The following DPYD variants were observed in gnomAD, a reference collection of about 807,000 sequenced individuals.
DPYD encodes the protein dihydropyrimidine dehydrogenase, also known as dihydropyrimidine dehydrogenase [NADP(+)].
A neutral mutation model predicts 116.2 loss-of-function variants in DPYD; 109 were observed. The ratio of observed to expected loss-of-function variants is 0.94; its 90% CI spans 0.80 to 1.10. DPYD has a LOEUF of 1.10. Among genes scored for constraint, DPYD ranks in the 50% least tolerant of loss-of-function variants. The pLI is 0.00. For synonymous variants in DPYD, 440 were observed against 432.0 expected (o/e 1.02, Z -0.23); for missense variants, 1,302 against 1,254.5 (o/e 1.04, Z -0.57).
intron 19 of DPYD, among the ~76,000 whole-genome samples, chr1:97,221,656 A>G (rs1156697635): frequency 6.6e-6 from 1 of 152,122 alleles, no homozygotes; most frequent in Non-Finnish European, 1.5e-5. Flanking sequence ...TTTAAAACAA[A>G]TATCAAAGTG....
In DPYD at chr1:97,908,195, A is replaced by G. The variant is rs148629166; in HGVS notation, c.39+12689T>C. Among the ~76,000 whole-genome samples the G allele has an allele frequency of 5.5e-3, 833 of 151,984 alleles. 11 individuals carry two copies. Among genetic ancestry groups the G allele is most frequent in the African/African-American group, 0.019 (782 of 41,480 alleles). On this transcript the variant is annotated intron_variant, in intron 1 of 22. Coordinates refer to ENST00000370192, the MANE Select transcript of DPYD (RefSeq NM_000110.4). ...CAAGTAGCTAGGATTACAGGCACACACCAGCACACCAATCTAATTTTGGTA... is the reference window on the plus strand; with the variant it reads ...CAAGTAGCTAGGATTACAGGCACACGCCAGCACACCAATCTAATTTTGGTA...
intron 12 of DPYD, among the ~76,000 whole-genome samples, chr1:97,540,484 A>C (rs1275421693): frequency 6.6e-6 from 1 of 152,192 alleles, no homozygotes; most frequent in Non-Finnish European, 1.5e-5. Context: ...GCAAGGTCTG[A>C]AAGGGCCCCC....
intron 21 of DPYD, among the ~76,000 whole-genome samples, chr1:97,093,356 T>C (rs2101583294): frequency 6.6e-6 from 1 of 152,302 alleles, no homozygotes; most frequent in African/African-American, 2.4e-5. Flanking sequence ...TCCAACTTTT[T>C]TGGCCTCCAG....
At chr1:97,660,195 A>T (rs1659169545) in intron 8 of DPYD, among the ~76,000 whole-genome samples, 1 of 152,128 alleles carries the variant, frequency 6.6e-6, no homozygotes, top group Non-Finnish European at 1.5e-5. Context: ...CAACCTGAGT[A>T]TTATTTATAG....
intron 14 of DPYD, among the ~76,000 whole-genome samples, chr1:97,429,597 A>T (rs926470740): frequency 2.0e-5 from 3 of 151,958 alleles, no homozygotes; most frequent in African/African-American, 7.2e-5. Flanking sequence ...GATACTTCTT[A>T]TTTTTTATGA....
At chr1:97,283,308 A>G (rs1204471095) in intron 18 of DPYD, among the ~76,000 whole-genome samples, 1 of 152,146 alleles carries the variant, frequency 6.6e-6, no homozygotes, top group Non-Finnish European at 1.5e-5. Context: ...AGACTATTTC[A>G]GAGTTCTCTG....
At chr1:97,326,733 T>G (rs150452232) in intron 16 of DPYD, among the ~76,000 whole-genome samples, 11 of 151,982 alleles carry the variant, frequency 7.2e-5, no homozygotes, top group Non-Finnish European at 1.3e-4. Context: ...AGACACCTAA[T>G]AAGATGGAAG....
chr1:97,527,223 C>T (rs975859692), intron 12 of DPYD, among the ~76,000 whole-genome samples: 7 of 152,086 alleles, frequency 4.6e-5, no homozygotes, highest in Middle Eastern at 6.8e-3. Flanking sequence ...GGACCACAGG[C>T]GCCTGCCACC....
At chr1:97,712,064 A>G (rs1489631013) in intron 5 of DPYD, among the ~76,000 whole-genome samples, 3 of 151,962 alleles carry the variant, frequency 2.0e-5, no homozygotes, top group Non-Finnish European at 4.4e-5. Flanking sequence ...GTATTGCACA[A>G]TATTACCACA....
chr1:97,646,103 C>A (rs76968654), intron 8 of DPYD, among the ~76,000 whole-genome samples: 1,966 of 152,182 alleles, frequency 0.013, 21 homozygotes, highest in Middle Eastern at 0.024. Flanking sequence ...CTGTCTAAAG[C>A]ATCCCAGGGC....
At chr1:97,758,284 A>C (rs1426862733) in intron 3 of DPYD, among the ~76,000 whole-genome samples, 3 of 151,920 alleles carry the variant, frequency 2.0e-5, no homozygotes, top group East Asian at 1.9e-4. Context: ...TGGTCTTTAA[A>C]GTGCCTTCCA....
At chr1:97,493,784 C>T (rs1679104824) in intron 13 of DPYD, among the ~76,000 whole-genome samples, 1 of 152,114 alleles carries the variant, frequency 6.6e-6, no homozygotes, top group South Asian at 2.1e-4. Context: ...TTCTTAAAAA[C>T]CTACAGAAAC....
chr1:97,500,927 C>T (rs1423218816), intron 13 of DPYD, among the ~76,000 whole-genome samples: 2 of 152,066 alleles, frequency 1.3e-5, no homozygotes, highest in African/African-American at 4.8e-5. Flanking sequence ...CACAAGACTG[C>T]TGTGCAAGCG....
intron 19 of DPYD, among the ~76,000 whole-genome samples, chr1:97,209,762 A>G (rs1659913262): frequency 6.6e-6 from 1 of 152,146 alleles, no homozygotes; most frequent in African/African-American, 2.4e-5. Flanking sequence ...AAATATGCTA[A>G]ATATTATAAT....
intron 3 of DPYD, among the ~76,000 whole-genome samples, chr1:97,822,603 A>C (rs543728426): frequency 6.6e-6 from 1 of 152,132 alleles, no homozygotes; most frequent in Non-Finnish European, 1.5e-5. Flanking sequence ...ATACAAAAAA[A>C]AGTATGTTTG....
intron 3 of DPYD, among the ~76,000 whole-genome samples, chr1:97,776,764 T>C (rs1666428575): frequency 6.6e-6 from 1 of 152,192 alleles, no homozygotes; most frequent in East Asian, 1.9e-4. Context: ...TCTTAGGCAG[T>C]CTACGTTTTG....
intron 20 of DPYD, among the ~76,000 whole-genome samples, chr1:97,143,552 G>C (rs937277948): frequency 6.6e-6 from 1 of 152,056 alleles, no homozygotes. Flanking sequence ...GTACCAATTA[G>C]ATAGACCCTT....
At chr1:97,203,096 G>A (rs928226323) in intron 19 of DPYD, among the ~76,000 whole-genome samples, 2 of 152,128 alleles carry the variant, frequency 1.3e-5, no homozygotes, top group African/African-American at 2.4e-5. Flanking sequence ...GCTCTTCAGA[G>A]GCAGTAGGAT....
chr1:97,328,015 T>C (rs888799855), intron 16 of DPYD, among the ~76,000 whole-genome samples: 7 of 152,156 alleles, frequency 4.6e-5, no homozygotes, highest in Admixed American at 3.9e-4. Flanking sequence ...ATGCTGTATG[T>C]TAACACAAGG....
Sources: allele counts gnomAD v4.1 joint callset (sites outside exome capture counted in the v4.1 genomes callset), GRCh38; gene constraint gnomAD v4.1.1; transcripts MANE v1.5; gene names NCBI Gene and HGNC (gene_info 2026-07-23, HGNC 2026-07-21).